The following HYDIN variants were observed in gnomAD, a reference collection of about 807,000 sequenced individuals.
HYDIN encodes HYDIN axonemal central pair apparatus protein.
A neutral mutation model predicts 403.9 loss-of-function variants in HYDIN; 132 were observed. The observed-to-expected ratio is 0.33, with a 90% confidence interval of 0.28 to 0.38. The LOEUF (loss-of-function observed/expected upper bound fraction) is 0.38. HYDIN is among the 10% of genes least tolerant of loss of function. The probability of loss-of-function intolerance (pLI) is 1.00; values close to 1 mark genes in which losing one functional copy is unlikely to be tolerated. For synonymous variants in HYDIN, 1,202 were observed against 1,891.7 expected (o/e 0.64, Z 9.46); for missense variants, 2,827 against 5,009.5 (o/e 0.56, Z 13.15).
intron 4 of HYDIN, 39 bp downstream of exon 4, chr16:71,178,889 A>G: frequency 6.4e-7 from 1 of 1,563,030 alleles, no homozygotes; most frequent in Non-Finnish European, 8.7e-7. Flanking sequence ...ATTCTCATAT[A>G]TCCTGGAACA....
At chr16:71,217,643 C>G (rs2088960877) in intron 1 of HYDIN, among the ~76,000 whole-genome samples, 1 of 152,082 alleles carries the variant, frequency 6.6e-6, no homozygotes, top group Non-Finnish European at 1.5e-5. Flanking sequence ...CCAGCTGCAC[C>G]CTCATAATAA....
At chr16:70,970,062 T>C (rs1022214) in intron 36 of HYDIN, among the ~76,000 whole-genome samples, 2 of 37,660 alleles carry the variant, frequency 5.3e-5, no homozygotes, top group African/African-American at 1.1e-4. Flanking sequence ...TTGAAGCAAC[T>C]GATAGGAAAG....
At chr16:70,907,955 A>C (rs1268349728) in intron 49 of HYDIN, among the ~76,000 whole-genome samples, 1 of 152,112 alleles carries the variant, frequency 6.6e-6, no homozygotes, top group Non-Finnish European at 1.5e-5. Context: ...TACAGGATAG[A>C]ACTGCTTTAA....
At chr16:70,922,919 C>T (rs1298938600) in intron 45 of HYDIN, among the ~76,000 whole-genome samples, 2 of 149,984 alleles carry the variant, frequency 1.3e-5, no homozygotes, top group Non-Finnish European at 3.0e-5. Flanking sequence ...AGGCATGTGC[C>T]ACCATGCCTG....
intron 30 of HYDIN, among the ~76,000 whole-genome samples, chr16:70,976,863 G>C (rs1338815960): frequency 2.6e-5 from 4 of 152,138 alleles, no homozygotes; most frequent in African/African-American, 2.4e-5. Context: ...AGGCCCAGCA[G>C]GGAAGGTTAA....
chr16:70,885,847 A>T (rs144136611), intron 58 of HYDIN, among the ~76,000 whole-genome samples: 1 of 152,108 alleles, frequency 6.6e-6, no homozygotes, highest in Non-Finnish European at 1.5e-5. Flanking sequence ...CCACTTGAAA[A>T]GACATAAAAA....
chr16:70,920,984 C>T lies in HYDIN; in HGVS notation c.7392G>A (p.Leu2464=). 1.3e-6 allele frequency: 2 copies of T among 1,580,946 alleles called. No individual in the cohort carries two copies. Among genetic ancestry groups the T allele is most frequent in the South Asian group, 2.3e-5 (2 of 88,212 alleles). Residue 2464 remains leucine (L), a synonymous_variant, in exon 46 of 86, where the codon CTG becomes CTA. Coordinates refer to ENST00000393567, the MANE Select transcript of HYDIN (RefSeq NM_001270974.2). ...APKFKTYELT[L]KDVQNILMYW... is the part of the protein sequence containing the mutation. ...ACATGAGGATGTTCTGGACATCCTT[C>T]AGTGTCAATTCATAGGTCTTAAACT...
At chr16:71,051,703 T>C (rs1648949840) in intron 18 of HYDIN, among the ~76,000 whole-genome samples, 1 of 151,046 alleles carries the variant, frequency 6.6e-6, no homozygotes, top group Non-Finnish European at 1.5e-5. Flanking sequence ...TTTTCATTAA[T>C]GTGAGGAATA....
At chr16:71,107,726 G>C (rs1479793576) in intron 10 of HYDIN, among the ~76,000 whole-genome samples, 2 of 151,930 alleles carry the variant, frequency 1.3e-5, no homozygotes, top group Non-Finnish European at 2.9e-5. Context: ...GTTGGTGGGA[G>C]TGTAAATTAG....
At chr16:70,872,389 TCCA>T (rs2040168987) in intron 64 of HYDIN, among the ~76,000 whole-genome samples, 1 of 147,754 alleles carries the variant, frequency 6.8e-6, no homozygotes, top group Admixed American at 6.6e-5. Context: ...CATCCATCCA[TCCA>T]TCCATCCATC....
chr16:71,082,687 C>T (rs1428600689), intron 12 of HYDIN, among the ~76,000 whole-genome samples: 2 of 142,368 alleles, frequency 1.4e-5, no homozygotes, highest in Non-Finnish European at 3.0e-5. Context: ...ATGGAAAACC[C>T]AAGTACACCT....
At chr16:71,047,547 C>T (rs886610762) in intron 18 of HYDIN, among the ~76,000 whole-genome samples, 15 of 151,882 alleles carry the variant, frequency 9.9e-5, no homozygotes, top group African/African-American at 3.6e-4. Flanking sequence ...CTCTTTGGCA[C>T]TAAACGGGTC....
At chr16:71,098,733 T>TG (rs753015432) in intron 10 of HYDIN, among the ~76,000 whole-genome samples, 1 of 128,184 alleles carries the variant, frequency 7.8e-6, no homozygotes, top group Non-Finnish European at 1.6e-5. Context: ...CTGCCTTTCT[T>TG]AAAAAAAAAA....
At chr16:71,038,227 C>G (rs2081160093) in intron 18 of HYDIN, among the ~76,000 whole-genome samples, 1 of 152,294 alleles carries the variant, frequency 6.6e-6, no homozygotes, top group Non-Finnish European at 1.5e-5. Context: ...TAAGCCCTCC[C>G]CTCTGAGGTT....
At chr16:71,041,668 T>C (rs1309933219) in intron 18 of HYDIN, among the ~76,000 whole-genome samples, 1 of 152,208 alleles carries the variant, frequency 6.6e-6, no homozygotes, top group Non-Finnish European at 1.5e-5. Flanking sequence ...ACACACACCA[T>C]AAAAAATTCA....
At position 71,006,962 on chromosome 16, in the gene HYDIN, C is replaced by T. The variant is rs752389817; in HGVS notation, c.3644+11167G>A. ...GGAAAAGACTGTGCTTCCTACTTAT[C>T]CTCACCCCACCCCTTTCTCTCCCTC... On this transcript the variant is annotated intron_variant, in intron 23 of 85. Coordinates refer to ENST00000393567, the MANE Select transcript of HYDIN (RefSeq NM_001270974.2). 1.3e-4 allele frequency among the ~76,000 whole-genome samples: 19 copies of T among 151,724 alleles called. 1 individual carries two copies. The highest frequency in any genetic ancestry group is 2.5e-4 in the Non-Finnish European group (17 of 67,912).
intron 6 of HYDIN, among the ~76,000 whole-genome samples, chr16:71,159,751 G>A (rs1489209075): frequency 6.6e-6 from 1 of 151,314 alleles, no homozygotes; most frequent in East Asian, 1.9e-4. Flanking sequence ...GGACAATTGA[G>A]TGACATATTT....
intron 13 of HYDIN, 35 bp from the exon 14 acceptor site, chr16:71,069,537 C>A (rs747806379): frequency 1.3e-6 from 2 of 1,544,740 alleles, no homozygotes; most frequent in Non-Finnish European, 1.8e-6. Flanking sequence ...AAATAAAAGC[C>A]CCCCCAACAC....
intron 10 of HYDIN, among the ~76,000 whole-genome samples, chr16:71,098,756 A>AAAAAAAAAAAT (rs2083365068): frequency 6.8e-6 from 1 of 146,358 alleles, no homozygotes; most frequent in African/African-American, 2.5e-5. Context: ...AAAAAAAAAA[A>AAAAAAAAAAAT]GGAGATGTGT....
Sources: gnomAD v4.1 joint callset for allele counts (sites outside exome capture counted in the v4.1 genomes callset) on GRCh38, gnomAD v4.1.1 for gene constraint, MANE v1.5 for transcripts, NCBI Gene and HGNC (gene_info 2026-07-23, HGNC 2026-07-21) for gene names.